The following SCFD2 variants were observed in gnomAD, a reference collection of about 807,000 sequenced individuals.
SCFD2 encodes the protein sec1 family domain containing 2.
A neutral mutation model predicts 58.9 loss-of-function variants in SCFD2; 54 were observed. The observed-to-expected ratio is 0.92, with a 90% CI of 0.74 to 1.15. The LOEUF (loss-of-function observed/expected upper bound fraction) is 1.15, where lower values mean the gene tolerates loss of function less well. Ranked by LOEUF, SCFD2 falls within the 50% of genes most tolerant of loss-of-function variation. The probability of loss-of-function intolerance (pLI) is 0.00; values close to 1 mark genes in which losing one functional copy is unlikely to be tolerated. For missense variants in SCFD2, 805 were observed against 836.6 expected (o/e 0.96, Z 0.47); for synonymous variants, 321 against 335.9 (o/e 0.96, Z 0.49).
intron 5 of SCFD2, among the ~76,000 whole-genome samples, chr4:52,968,014 A>G (rs966320138): frequency 2.0e-5 from 3 of 152,144 alleles, no homozygotes; most frequent in Non-Finnish European, 2.9e-5. Context: ...ATTTTATTTT[A>G]TCATCTGGAA....
At chr4:53,327,766 A>C (rs1733255555) in intron 2 of SCFD2, among the ~76,000 whole-genome samples, 1 of 152,200 alleles carries the variant, frequency 6.6e-6, no homozygotes, top group African/African-American at 2.4e-5. Flanking sequence ...CAAAGGGAAA[A>C]AACTTAAAAT....
intron 5 of SCFD2, among the ~76,000 whole-genome samples, chr4:53,059,660 C>T (rs1392046003): frequency 5.9e-5 from 9 of 151,424 alleles, no homozygotes; most frequent in South Asian, 2.1e-4. Flanking sequence ...ATCTGCATTC[C>T]TCTTCTTCCG....
At chr4:52,961,851 T>G (rs1186501802) in intron 5 of SCFD2, among the ~76,000 whole-genome samples, 1 of 152,002 alleles carries the variant, frequency 6.6e-6, no homozygotes, top group Admixed American at 6.6e-5. Flanking sequence ...GGCTTAGAAG[T>G]GGTGAGACTG....
chr4:53,220,242 C>T (rs1387069649), intron 4 of SCFD2, among the ~76,000 whole-genome samples: 4 of 152,220 alleles, frequency 2.6e-5, no homozygotes, highest in Non-Finnish European at 4.4e-5. Context: ...GCCAATACAG[C>T]AAGGACACCA....
intron 4 of SCFD2, among the ~76,000 whole-genome samples, chr4:53,227,628 G>A (rs1729265031): frequency 6.6e-6 from 1 of 152,138 alleles, no homozygotes; most frequent in African/African-American, 2.4e-5. Context: ...TGAGCACTGG[G>A]AAGTCTAAAC....
At chr4:52,929,339 A>T (rs1459182040) in intron 5 of SCFD2, among the ~76,000 whole-genome samples, 2 of 152,220 alleles carry the variant, frequency 1.3e-5, no homozygotes, top group Non-Finnish European at 2.9e-5. Context: ...ATCAGCTATT[A>T]TCTTAAAAAT....
intron 5 of SCFD2, among the ~76,000 whole-genome samples, chr4:53,075,981 A>G (rs1240546657): frequency 1.3e-5 from 2 of 152,188 alleles, no homozygotes; most frequent in African/African-American, 2.4e-5. Flanking sequence ...AAAAAATGCA[A>G]TATGTGCACA....
intron 6 of SCFD2, among the ~76,000 whole-genome samples, chr4:52,911,883 G>A (rs554797549): frequency 4.6e-5 from 7 of 152,314 alleles, no homozygotes; most frequent in African/African-American, 1.7e-4. Context: ...CCGATAGGGG[G>A]CACTCGAGGG....
intron 4 of SCFD2, among the ~76,000 whole-genome samples, chr4:53,244,286 T>C (rs944944946): frequency 6.6e-6 from 1 of 152,140 alleles, no homozygotes; most frequent in Non-Finnish European, 1.5e-5. Context: ...AGGATATACA[T>C]TCTACTCATC....
chr4:53,078,673 A>T (rs1724052205), intron 5 of SCFD2, among the ~76,000 whole-genome samples: 1 of 152,194 alleles, frequency 6.6e-6, no homozygotes. Context: ...TAAGAACCCT[A>T]AGGTACAGAG....
At chr4:53,044,491 T>C (rs1722978065) in intron 5 of SCFD2, among the ~76,000 whole-genome samples, 1 of 142,046 alleles carries the variant, frequency 7.0e-6, no homozygotes, top group African/African-American at 3.0e-5. Flanking sequence ...TTACAGGAAC[T>C]TCCTTCCTTC....
intron 4 of SCFD2, among the ~76,000 whole-genome samples, chr4:53,251,016 A>C (rs1386197850): frequency 2.0e-5 from 3 of 152,206 alleles, no homozygotes; most frequent in Non-Finnish European, 4.4e-5. Context: ...AGAGAGAAGA[A>C]TCAAATAGAT....
At chr4:53,132,293 TA>T (rs1281132367) in intron 5 of SCFD2, among the ~76,000 whole-genome samples, 25 of 152,246 alleles carry the variant, frequency 1.6e-4, no homozygotes, top group Admixed American at 1.6e-3. Context: ...TAAAACTAAA[TA>T]TAACGGTTCC....
At chr4:53,159,463 G>C (rs1197388962) in intron 4 of SCFD2, among the ~76,000 whole-genome samples, 1 of 152,126 alleles carries the variant, frequency 6.6e-6, no homozygotes, top group Non-Finnish European at 1.5e-5. Context: ...AAATCCTTGG[G>C]ACAAGGATGA....
At chr4:53,361,379 T>C (rs1734544215) in intron 1 of SCFD2, among the ~76,000 whole-genome samples, 1 of 152,208 alleles carries the variant, frequency 6.6e-6, no homozygotes, top group Admixed American at 6.5e-5. Flanking sequence ...AATAAGGTAA[T>C]GTAAAAGTGG....
At chr4:52,977,560 A>C (rs1435047169) in intron 5 of SCFD2, among the ~76,000 whole-genome samples, 2 of 152,188 alleles carry the variant, frequency 1.3e-5, no homozygotes, top group African/African-American at 2.4e-5. Flanking sequence ...GGCATCTGGC[A>C]AGGAATGACT....
chr4:52,951,684 C>T (rs537754386), intron 5 of SCFD2, among the ~76,000 whole-genome samples: 11 of 152,280 alleles, frequency 7.2e-5, no homozygotes, highest in Admixed American at 2.0e-4. Context: ...AAAGCTTACA[C>T]GAGACCCTCC....
At chr4:52,899,226 T>C (rs375960292) in intron 7 of SCFD2, among the ~76,000 whole-genome samples, 1 of 152,234 alleles carries the variant, frequency 6.6e-6, no homozygotes, top group Non-Finnish European at 1.5e-5. Context: ...CTTTAGTTGA[T>C]GCAGTTTCTT....
intron 4 of SCFD2, among the ~76,000 whole-genome samples, chr4:53,248,437 T>G (rs1413761038): frequency 6.6e-6 from 1 of 152,220 alleles, no homozygotes; most frequent in Non-Finnish European, 1.5e-5. Flanking sequence ...CAAGGAGGCC[T>G]GCCTGCCTCT....
Sources: allele counts gnomAD v4.1 joint callset (sites outside exome capture counted in the v4.1 genomes callset), GRCh38; gene constraint gnomAD v4.1.1; transcripts MANE v1.5; gene names NCBI Gene and HGNC (gene_info 2026-07-23, HGNC 2026-07-21).